Variants in GRID2 observed in about 807,000 individuals in gnomAD.
GRID2 encodes glutamate receptor ionotropic, delta-2.
GRID2 carries 33 observed loss-of-function variants against 114.8 expected under a neutral mutation model. The observed-to-expected ratio is 0.29, with a 90% CI of 0.22 to 0.38. The LOEUF is 0.38. Ranked by LOEUF, GRID2 falls within the 10% of genes least tolerant of loss-of-function variation. GRID2 has a pLI of 1.00. For synonymous variants in GRID2, 505 were observed against 449.9 expected (o/e 1.12, Z -1.55); for missense variants, 1,184 against 1,257.7 (o/e 0.94, Z 0.89).
In GRID2 at chr4:93,608,780, A is replaced by C. The variant is rs1740617368; in HGVS notation, c.2194-17489A>C. Among the ~76,000 whole-genome samples the C allele has an allele frequency of 1.5e-5, 2 of 136,900 alleles. 1 individual carries two copies. The highest frequency in any genetic ancestry group is 3.2e-5 in the Non-Finnish European group (2 of 61,718). The allele number at this position is 136,900 out of a possible 152,430, so 89.8% of individuals were successfully genotyped here. On this transcript the variant is annotated intron_variant, in intron 13 of 15. Coordinates refer to ENST00000282020, the MANE Select transcript of GRID2 (RefSeq NM_001510.4). ...AGTGCCGCAATAAACATACGGGTGC[A>C]TGTGTCTTTATAGCAGCATGATTTA...
At chr4:93,735,560 T>C (rs1262059022) in intron 14 of GRID2, among the ~76,000 whole-genome samples, 2 of 152,048 alleles carry the variant, frequency 1.3e-5, no homozygotes, top group Admixed American at 6.6e-5. Context: ...TTTACCTACA[T>C]TGATCAATGT....
chr4:92,933,444 A>G (rs1750394511), intron 2 of GRID2, among the ~76,000 whole-genome samples: 1 of 151,554 alleles, frequency 6.6e-6, no homozygotes. Flanking sequence ...AGAGAAATGT[A>G]TTTGAATACT....
intron 8 of GRID2, among the ~76,000 whole-genome samples, chr4:93,365,238 GT>G: frequency 6.6e-6 from 1 of 152,170 alleles, no homozygotes; most frequent in Non-Finnish European, 1.5e-5. Flanking sequence ...GTTTGTTTAT[GT>G]TTCTATAAAC....
chr4:92,326,964 C>T (rs996464917), intron 1 of GRID2, among the ~76,000 whole-genome samples: 4 of 151,886 alleles, frequency 2.6e-5, no homozygotes, highest in African/African-American at 9.7e-5. Flanking sequence ...TTTCCTAGAG[C>T]CCTCTCTGAT....
intron 1 of GRID2, among the ~76,000 whole-genome samples, chr4:92,340,928 T>C (rs147666911): frequency 6.6e-6 from 1 of 152,242 alleles, no homozygotes; most frequent in East Asian, 1.9e-4. Flanking sequence ...TCAAGTATTT[T>C]TACATTTTAG....
At chr4:92,747,205 C>G (rs540661450) in intron 2 of GRID2, among the ~76,000 whole-genome samples, 2 of 151,770 alleles carry the variant, frequency 1.3e-5, no homozygotes, top group African/African-American at 4.8e-5. Flanking sequence ...AGACAGGTTA[C>G]TTTTATTGTA....
intron 2 of GRID2, among the ~76,000 whole-genome samples, chr4:92,798,927 C>T (rs1387094417): frequency 1.3e-5 from 2 of 151,870 alleles, no homozygotes; most frequent in Non-Finnish European, 2.9e-5. Context: ...GTATTGGGTT[C>T]CTAAGGCTAC....
At chr4:92,744,895 C>T (rs1223493468) in intron 2 of GRID2, among the ~76,000 whole-genome samples, 1 of 152,092 alleles carries the variant, frequency 6.6e-6, no homozygotes, top group Non-Finnish European at 1.5e-5. Flanking sequence ...TGTCTGGGTA[C>T]AGTGCTTTGT....
At chr4:93,499,554 T>C (rs2149471702) in intron 12 of GRID2, among the ~76,000 whole-genome samples, 1 of 151,974 alleles carries the variant, frequency 6.6e-6, no homozygotes, top group Admixed American at 6.6e-5. Context: ...TTACATGCTC[T>C]TCTCTCTCCC....
chr4:92,765,441 G>A (rs182324144), intron 2 of GRID2, among the ~76,000 whole-genome samples: 165 of 152,188 alleles, frequency 1.1e-3, no homozygotes, highest in Admixed American at 5.1e-3. Context: ...GGAAGCTGTC[G>A]TTGATCTCCA....
rs189539729 is a variant in GRID2, at chr4:93,702,297, A to T, written c.2361-66913A>T. On this transcript the variant is annotated intron_variant, in intron 14 of 15. Transcript: ENST00000282020. ...AAAACAAATAATTGTTTTGCTTATT[A>T]ATCATAACTTTGGATATCTGTTTGC... Among the ~76,000 whole-genome samples the T allele has an allele frequency of 8.5e-5, 13 of 152,252 alleles. 1 individual carries two copies. In the East Asian group the frequency reaches 2.5e-3, roughly 29 times the overall value.
chr4:93,131,186 G>T (rs1225937949), intron 4 of GRID2, among the ~76,000 whole-genome samples: 2 of 116,750 alleles, frequency 1.7e-5, no homozygotes, highest in Non-Finnish European at 1.7e-5. Context: ...ATGGAGTCTC[G>T]CTGTGTCACC....
chr4:92,336,436 T>A (rs549941325), intron 1 of GRID2, among the ~76,000 whole-genome samples: 1 of 152,236 alleles, frequency 6.6e-6, no homozygotes, highest in African/African-American at 2.4e-5. Context: ...TTTCTACACT[T>A]GATCTTAGCC....
rs757618780 is a variant in GRID2, at chr4:93,769,279, G to A, written c.2430G>A (p.Gln810=). ...LKHKWWPKNG[Q]CDLYSSVDTK... is the part of the protein sequence containing the mutation. ...ACAAATGGTGGCCTAAGAATGGCCA[G>A]TGTGACCTGTACTCGTCAGTGGACA... Residue 810 remains glutamine, a synonymous_variant, in exon 15 of 16, where the codon CAG becomes CAA. Transcript: ENST00000282020. 1.9e-6 allele frequency: 3 copies of A among 1,613,952 alleles called. No individual in the cohort carries two copies. The highest frequency in any genetic ancestry group is 2.5e-6 in the Non-Finnish European group (3 of 1,179,798).
Position 92,983,941 on chromosome 4 carries a change from A to G in GRID2, c.245-101054A>G, listed in dbSNP as rs115208793. Among the ~76,000 whole-genome samples, 263 of 152,312 alleles carry G rather than the reference A, an allele frequency of 1.7e-3. 1 individual carries two copies. Among genetic ancestry groups the G allele is most frequent in the African/African-American group, 6.2e-3 (258 of 41,574 alleles). ...CTTGAAGAAAGAAGCAATAGCCTGTAATAGGACAGAGACTGGGATTTTGTG... is the reference window on the plus strand; with the variant it reads ...CTTGAAGAAAGAAGCAATAGCCTGTGATAGGACAGAGACTGGGATTTTGTG... On this transcript the variant is annotated intron_variant, in intron 2 of 15. Coordinates refer to ENST00000282020, the MANE Select transcript of GRID2 (RefSeq NM_001510.4).
intron 8 of GRID2, among the ~76,000 whole-genome samples, chr4:93,387,843 AAAAG>A (rs1579916103): frequency 6.6e-6 from 1 of 151,708 alleles, no homozygotes; most frequent in South Asian, 2.1e-4. Flanking sequence ...AAAAAAAAAA[AAAAG>A]AAAGAAATGA....
rs752438778 is a variant in GRID2, at chr4:93,381,886, T to C, written c.1246-13721T>C. The stretch of plus-strand genomic sequence containing the variant: ...GACTTCAAATTATTGTATAGTGTAT[T>C]TTTATTTCCATCTTCAGAACTCACA... On this transcript the variant is annotated intron_variant, in intron 8 of 15. Coordinates refer to ENST00000282020, the MANE Select transcript of GRID2 (RefSeq NM_001510.4). Among the ~76,000 whole-genome samples, 41 of 152,144 alleles carry C rather than the reference T, an allele frequency of 2.7e-4. 1 individual carries two copies. Among genetic ancestry groups the C allele is most frequent in the Non-Finnish European group, 5.4e-4 (37 of 67,990 alleles).
intron 2 of GRID2, among the ~76,000 whole-genome samples, chr4:93,075,060 C>T (rs191401651): frequency 6.6e-6 from 1 of 152,128 alleles, no homozygotes; most frequent in East Asian, 1.9e-4. Context: ...ATTAATTATA[C>T]ACAAACTCTT....
At chr4:93,277,808 G>A (rs1244529659) in intron 8 of GRID2, among the ~76,000 whole-genome samples, 2 of 151,842 alleles carry the variant, frequency 1.3e-5, no homozygotes, top group African/African-American at 4.8e-5. Context: ...CTGTCATAGT[G>A]TCTGGAATAG....
Sources: gnomAD v4.1 joint callset for allele counts (sites outside exome capture counted in the v4.1 genomes callset) on GRCh38, gnomAD v4.1.1 for gene constraint, MANE v1.5 for transcripts, NCBI Gene and HGNC (gene_info 2026-07-23, HGNC 2026-07-21) for gene names.